FARS2: variants seen among roughly 807,000 people sequenced by gnomAD.
FARS2 encodes phenylalanyl-tRNA synthetase 2, mitochondrial, also known as phenylalanine--tRNA ligase, mitochondrial.
In FARS2, 40 loss-of-function variants were observed where a neutral mutation model predicts 46.4. The ratio of observed to expected loss-of-function variants is 0.86; its 90% CI spans 0.67 to 1.12. FARS2 has a LOEUF of 1.12. FARS2 is among the 50% of genes most tolerant of loss of function. FARS2 has a pLI of 0.00. For missense variants in FARS2, 513 were observed against 567.9 expected (o/e 0.90, Z 0.98); for synonymous variants, 234 against 214.9 (o/e 1.09, Z -0.78).
intron 1 of FARS2, among the ~76,000 whole-genome samples, chr6:5,366,993 C>A (rs142998478): frequency 6.6e-6 from 1 of 152,316 alleles, no homozygotes; most frequent in African/African-American, 2.4e-5. Context: ...GACAAAATAA[C>A]GCCATAAGTG....
chr6:5,361,206 A>G (rs960398418), intron 1 of FARS2, among the ~76,000 whole-genome samples: 5 of 152,160 alleles, frequency 3.3e-5, no homozygotes, highest in Admixed American at 3.3e-4. Context: ...CCTGTTTATC[A>G]CTTTATGTAG....
intron 1 of FARS2, among the ~76,000 whole-genome samples, chr6:5,352,614 G>T (rs2127608675): frequency 6.6e-6 from 1 of 151,652 alleles, no homozygotes; most frequent in South Asian, 2.1e-4. Context: ...TCCTCATCTA[G>T]TAAATGCCCT....
chr6:5,384,087 A>G (rs1759967185), intron 2 of FARS2, among the ~76,000 whole-genome samples: 1 of 152,156 alleles, frequency 6.6e-6, no homozygotes, highest in African/African-American at 2.4e-5. Context: ...TCACACCAGA[A>G]TGGGGTGTTT....
chr6:5,534,259 T>C (rs1004459777), intron 4 of FARS2, among the ~76,000 whole-genome samples: 2 of 152,350 alleles, frequency 1.3e-5, no homozygotes, highest in African/African-American at 4.8e-5. Flanking sequence ...CTCTGAGATT[T>C]TATTTTTTTG....
chr6:5,387,110 C>T (rs1760182680), intron 2 of FARS2, among the ~76,000 whole-genome samples: 1 of 152,004 alleles, frequency 6.6e-6, no homozygotes, highest in African/African-American at 2.4e-5. Flanking sequence ...TGGTCTGGGG[C>T]TGGAGGGAGT....
chr6:5,326,096 C>T (rs956874231), intron 1 of FARS2, among the ~76,000 whole-genome samples: 8 of 152,176 alleles, frequency 5.3e-5, no homozygotes, highest in Admixed American at 2.0e-4. Context: ...CAATTTCTGA[C>T]GTAAGAATTT....
intron 4 of FARS2, among the ~76,000 whole-genome samples, chr6:5,466,343 A>C (rs1323411273): frequency 6.6e-6 from 1 of 151,784 alleles, no homozygotes; most frequent in African/African-American, 2.4e-5. Context: ...TGCTCTGTGT[A>C]CCTCTCTCCG....
chr6:5,532,522 C>T lies in FARS2; in HGVS notation c.905-12658C>T, dbSNP rs559182848. On this transcript the variant is annotated intron_variant, in intron 4 of 6. Transcript: ENST00000274680. The stretch of plus-strand genomic sequence containing the variant: ...ATCCCAGCACTTTGGGAGGCCGAGG[C>T]GGGTGGATCACAGCGTCAGGCGTTC... Among the ~76,000 whole-genome samples, 47 of 152,254 alleles carry T rather than the reference C, an allele frequency of 3.1e-4. 1 individual carries two copies. The highest frequency in any genetic ancestry group is 1.1e-3 in the African/African-American group (44 of 41,544).
At chr6:5,751,521 C>A (rs762019480) in intron 6 of FARS2, among the ~76,000 whole-genome samples, 4 of 152,212 alleles carry the variant, frequency 2.6e-5, no homozygotes, top group Non-Finnish European at 5.9e-5. Context: ...TAATTGCAAT[C>A]ATGGATCCTT....
At chr6:5,737,407 T>C (rs557363200) in intron 6 of FARS2, among the ~76,000 whole-genome samples, 2 of 152,184 alleles carry the variant, frequency 1.3e-5, no homozygotes, top group Admixed American at 6.5e-5. Flanking sequence ...GGCATGTGCC[T>C]GTAGTCCCAG....
chr6:5,378,055 G>A (rs973518797), intron 2 of FARS2, among the ~76,000 whole-genome samples: 4 of 152,212 alleles, frequency 2.6e-5, no homozygotes, highest in African/African-American at 9.7e-5. Flanking sequence ...GAGGATGAGT[G>A]AAGGTGTACA....
intron 4 of FARS2, among the ~76,000 whole-genome samples, chr6:5,495,443 A>G (rs893317947): frequency 8.5e-5 from 13 of 152,196 alleles, no homozygotes; most frequent in African/African-American, 2.4e-4. Flanking sequence ...ACTGTTTTCT[A>G]TAATTAAAAG....
chr6:5,539,406 A>ATATATTTTTTT (rs1226634056), intron 4 of FARS2, among the ~76,000 whole-genome samples: 1 of 144,848 alleles, frequency 6.9e-6, no homozygotes, highest in African/African-American at 2.6e-5. Context: ...ATATGTATAT[A>ATATATTTTTTT]TTTTTTTAGT....
chr6:5,261,605 C>T lies in FARS2; in HGVS notation c.-77C>T, dbSNP rs1765134023. On this transcript the variant is annotated 5_prime_UTR_variant, in exon 1 of 7. Transcript: ENST00000274680. Reference sequence around the variant, plus strand: ...TTCTTGCCCGTGAGAGCGAACGAGCCTGCCGTACTTCTGATTTTGAAACAC... The same window carrying T: ...TTCTTGCCCGTGAGAGCGAACGAGCTTGCCGTACTTCTGATTTTGAAACAC... 1 of 152,328 alleles carries T rather than the reference C, an allele frequency of 6.6e-6. No individual in the cohort carries two copies. The highest frequency in any genetic ancestry group is 1.5e-5 in the Non-Finnish European group (1 of 68,098). 9.4% of individuals were successfully genotyped at this position (152,328 alleles called of 1,614,324 possible). A position where few individuals can be genotyped will look rare whatever the true frequency, so the allele number is the denominator to read the frequency against.
chr6:5,689,463 A>T (rs1264382722), intron 6 of FARS2, among the ~76,000 whole-genome samples: 1 of 152,146 alleles, frequency 6.6e-6, no homozygotes, highest in Non-Finnish European at 1.5e-5. Context: ...TGTCCCCAGT[A>T]GTCATTCAGG....
intron 2 of FARS2, among the ~76,000 whole-genome samples, chr6:5,393,010 T>C (rs1760668886): frequency 6.6e-6 from 1 of 150,922 alleles, no homozygotes; most frequent in African/African-American, 2.4e-5. Context: ...TATTAAAATA[T>C]ATGTAAAATA....
rs530003739 is a variant in FARS2 at position 5,268,596 on chromosome 6, G to GGTAACAGTACCATGGTAACAGTACCAT, written c.-22+6938_-22+6939insAACAGTACCATGGTAACAGTACCATGT. On this transcript the variant is annotated intron_variant, in intron 1 of 6. Transcript: ENST00000274680. ...TTTGGTAACAGTACCATGCTGTTTT[G>GGTAACAGTACCATGGTAACAGTACCAT]GTTATTGTAGCCTGGTAGTATAGTT... 6.3e-4 allele frequency among the ~76,000 whole-genome samples: 96 copies of GGTAACAGTACCATGGTAACAGTACCAT among 152,260 alleles called. 1 individual carries two copies. The highest frequency in any genetic ancestry group is 2.3e-3 in the African/African-American group (94 of 41,552).
chr6:5,363,999 C>G (rs990941747), intron 1 of FARS2, among the ~76,000 whole-genome samples: 1 of 152,196 alleles, frequency 6.6e-6, no homozygotes, highest in African/African-American at 2.4e-5. Flanking sequence ...GTGGCTATCT[C>G]ATTCATACTG....
upstream of FARS2, among the ~76,000 whole-genome samples, chr6:5,257,758 G>A (rs954084375): frequency 2.0e-5 from 3 of 152,116 alleles, no homozygotes; most frequent in Admixed American, 1.3e-4. Context: ...GTTTCATCCC[G>A]AAACCATCCC....
Sources: gnomAD v4.1 joint callset for allele counts (sites outside exome capture counted in the v4.1 genomes callset) on GRCh38, gnomAD v4.1.1 for gene constraint, MANE v1.5 for transcripts, NCBI Gene and HGNC (gene_info 2026-07-23, HGNC 2026-07-21) for gene names.